ODAD2: variants seen among roughly 807,000 people sequenced by gnomAD.
The protein encoded by ODAD2 is outer dynein arm-docking complex subunit 2.
A neutral mutation model predicts 106.8 loss-of-function variants in ODAD2; 89 were observed. The observed-to-expected ratio is 0.83, with a 90% CI of 0.70 to 0.99. The LOEUF (loss-of-function observed/expected upper bound fraction) is 0.99, where lower values mean the gene tolerates loss of function less well. ODAD2 is among the 50% of genes least tolerant of loss of function. The pLI is 0.00. For missense variants in ODAD2, 1,168 were observed against 1,238.5 expected, an observed-to-expected ratio of 0.94 and a Z score of 0.85; for synonymous variants, 404 against 436.2, an observed-to-expected ratio of 0.93 and a Z score of 0.92.
chr10:27,828,831 G>GA (rs1564403172), intron 19 of ODAD2, among the ~76,000 whole-genome samples: 1 of 151,890 alleles, frequency 6.6e-6, no homozygotes, highest in African/African-American at 2.4e-5. Flanking sequence ...TTTAATATAA[G>GA]AAAAAAGCCA....
At chr10:27,939,785 T>C in intron 14 of ODAD2, 112 bp downstream of exon 14, 1 of 498,704 alleles carries the variant, frequency 2.0e-6, no homozygotes, top group South Asian at 5.1e-5. Context: ...AATAAATAAA[T>C]AAAATGCAGA....
chr10:27,868,654 G>A (rs1254962527), intron 17 of ODAD2, among the ~76,000 whole-genome samples: 1 of 152,080 alleles, frequency 6.6e-6, no homozygotes. Context: ...ATACAGGGAA[G>A]GGAATAACAC....
At chr10:27,943,038 G>T (rs11599349) in intron 12 of ODAD2, among the ~76,000 whole-genome samples, 1 of 152,048 alleles carries the variant, frequency 6.6e-6, no homozygotes, top group African/African-American at 2.4e-5. Flanking sequence ...TAAGTGCTGT[G>T]AAAGACACTA....
At chr10:27,988,967 C>T (rs1278346056) in intron 2 of ODAD2, among the ~76,000 whole-genome samples, 6 of 151,970 alleles carry the variant, frequency 3.9e-5, no homozygotes, top group Non-Finnish European at 7.4e-5. Context: ...ACAGAGGCAG[C>T]GACAGGGATA....
intron 4 of ODAD2, among the ~76,000 whole-genome samples, chr10:27,984,795 T>G (rs1163526170): frequency 6.6e-6 from 1 of 152,158 alleles, no homozygotes; most frequent in Non-Finnish European, 1.5e-5. Flanking sequence ...TAGCAATAAC[T>G]TCCATACTTT....
At chr10:27,966,064 A>T (rs1162531589) in intron 9 of ODAD2, among the ~76,000 whole-genome samples, 1 of 152,170 alleles carries the variant, frequency 6.6e-6, no homozygotes. Flanking sequence ...GGCAATTTTT[A>T]AATTTTATTA....
intron 4 of ODAD2, among the ~76,000 whole-genome samples, chr10:27,984,572 C>T (rs1849758821): frequency 6.6e-6 from 1 of 152,088 alleles, no homozygotes; most frequent in African/African-American, 2.4e-5. Flanking sequence ...TTGGACTATA[C>T]AAACTCTACA....
intron 10 of ODAD2, among the ~76,000 whole-genome samples, chr10:27,953,125 C>T (rs549047073): frequency 4.4e-4 from 67 of 152,238 alleles, no homozygotes; most frequent in African/African-American, 1.5e-3. Context: ...ATATCCATCA[C>T]CTGAAAACAT....
intron 16 of ODAD2, among the ~76,000 whole-genome samples, chr10:27,918,253 A>G (rs936926151): frequency 6.6e-6 from 1 of 151,972 alleles, no homozygotes; most frequent in Admixed American, 6.6e-5. Flanking sequence ...ATATCTCATG[A>G]ACATAAACAC....
intron 19 of ODAD2, among the ~76,000 whole-genome samples, chr10:27,850,971 C>G (rs1839218531): frequency 6.6e-6 from 1 of 152,158 alleles, no homozygotes; most frequent in Non-Finnish European, 1.5e-5. Flanking sequence ...CTAGAGTCTT[C>G]AGGGCAGATA....
intron 8 of ODAD2, among the ~76,000 whole-genome samples, chr10:27,970,791 C>T (rs1315781720): frequency 3.3e-5 from 5 of 151,976 alleles, no homozygotes; most frequent in Admixed American, 3.3e-4. Flanking sequence ...TGGTATAACC[C>T]TGTCTCTACT....
intron 16 of ODAD2, among the ~76,000 whole-genome samples, chr10:27,917,160 G>A (rs754422430): frequency 6.6e-6 from 1 of 152,078 alleles, no homozygotes; most frequent in Non-Finnish European, 1.5e-5. Flanking sequence ...TAATATGAAA[G>A]AACTGAAATC....
At chr10:27,892,675 A>G (rs1842634427) in intron 17 of ODAD2, among the ~76,000 whole-genome samples, 1 of 152,230 alleles carries the variant, frequency 6.6e-6, no homozygotes, top group Admixed American at 6.5e-5. Context: ...AAAATCCCAC[A>G]TTCCATTTGT....
chr10:27,997,606 T>G (rs1850631845), intron 1 of ODAD2: 1 of 152,208 alleles, frequency 6.6e-6, no homozygotes, highest in African/African-American at 2.4e-5. Flanking sequence ...AAATTGTATT[T>G]CCAAGTCTAG....
intron 17 of ODAD2, among the ~76,000 whole-genome samples, chr10:27,875,290 G>A (rs908495918): frequency 2.6e-5 from 4 of 152,136 alleles, no homozygotes; most frequent in African/African-American, 9.7e-5. Flanking sequence ...GCTGCTTTGT[G>A]ATGGTTTAAA....
intron 17 of ODAD2, among the ~76,000 whole-genome samples, chr10:27,871,216 T>C (rs934073025): frequency 1.3e-5 from 2 of 152,194 alleles, no homozygotes; most frequent in African/African-American, 4.8e-5. Flanking sequence ...GTTTTTTTCT[T>C]CTAAATTTGT....
At chr10:27,815,311 G>A (rs1325628156) in intron 19 of ODAD2, among the ~76,000 whole-genome samples, 2 of 151,832 alleles carry the variant, frequency 1.3e-5, no homozygotes, top group Non-Finnish European at 2.9e-5. Flanking sequence ...ATTTAAACAC[G>A]TCTTACACAT....
In ODAD2 at chr10:27,936,750, G is replaced by C; in HGVS notation, c.2228C>G (p.Ser743Cys). Residue 743 changes from serine (S) to cysteine (C), a missense_variant, in exon 15 of 20, where the codon TCC (serine) becomes TGC (cysteine). Physicochemically the swap from Ser to Cys is moderately radical, Grantham distance 112 (BLOSUM62 -1). Around this residue, in one of 3 missense-constraint regions of ODAD2, gnomAD observed 701 missense variants for 712.3 expected, o/e 0.98. Coordinates refer to ENST00000305242, the MANE Select transcript of ODAD2 (RefSeq NM_018076.5). Reference sequence around the variant, plus strand: ...CTTGGTAACATTCTCTTTGCTGATGGAACATTTCCATATAGCCCCTGTGAC... The same window carrying C: ...CTTGGTAACATTCTCTTTGCTGATGCAACATTTCCATATAGCCCCTGTGAC... ...AAVTGAIWKCSISKENVTKFR... is the reference protein window; with the variant it reads ...AAVTGAIWKCCISKENVTKFR... The C allele has an allele frequency of 6.2e-7, 1 of 1,613,944 alleles. No individual in the cohort carries two copies.
At chr10:27,847,268 C>G (rs1303323181) in intron 19 of ODAD2, among the ~76,000 whole-genome samples, 1 of 152,180 alleles carries the variant, frequency 6.6e-6, no homozygotes, top group Non-Finnish European at 1.5e-5. Context: ...GCTTGTTCAA[C>G]ATACGCAAAT....
Sources: allele counts gnomAD v4.1 joint callset (sites outside exome capture counted in the v4.1 genomes callset), GRCh38; gene constraint gnomAD v4.1.1; regional missense constraint gnomAD v4.1.1; transcripts MANE v1.5; gene names NCBI Gene and HGNC (gene_info 2026-07-23, HGNC 2026-07-21).